MCC: variants seen among roughly 807,000 people sequenced by gnomAD.
MCC encodes the protein colorectal mutant cancer protein.
MCC carries 90 observed loss-of-function variants against 116.2 expected under a neutral mutation model. The observed-to-expected ratio is 0.77, with a 90% confidence interval of 0.65 to 0.92. MCC has a LOEUF of 0.92. Among genes scored for constraint, MCC ranks in the 40% least tolerant of loss-of-function variants. MCC has a pLI of 0.00. For missense variants in MCC, 1,516 were observed against 1,312.2 expected (o/e 1.16, Z -2.40); for synonymous variants, 578 against 510.5 (o/e 1.13, Z -1.78).
At chr5:113,097,033 C>G (rs756851096) in intron 8 of MCC, among the ~76,000 whole-genome samples, 7 of 152,078 alleles carry the variant, frequency 4.6e-5, no homozygotes, top group Non-Finnish European at 8.8e-5. Flanking sequence ...TTAAACTCAG[C>G]TAATATTGGC....
chr5:113,070,993 A>C, intron 12 of MCC, 101 bp downstream of exon 12: 1 of 1,384,732 alleles, frequency 7.2e-7, no homozygotes, highest in South Asian at 1.5e-5. Flanking sequence ...CCAAACTGCC[A>C]GATATGCCTT....
chr5:113,488,351 T>TGCCGCCGCTGCCGCTGCC lies in MCC; in HGVS notation c.63_64insGGCAGCGGCAGCGGCGGC (p.Gly21_Ser22insGlySerGlySerGlyGly). ...TCGCTGCTGCTGCTGCTGCTGCCGC[T>TGCCGCCGCTGCCGCTGCC]GCCGCCGCCGCCGCCGCCGCTGCTG... On this transcript the variant is annotated inframe_insertion, in exon 1 of 19. Coordinates refer to ENST00000408903, the MANE Select transcript of MCC (RefSeq NM_001085377.2). 6.9e-7 allele frequency: 1 copy of TGCCGCCGCTGCCGCTGCC among 1,455,516 alleles called. No homozygotes were observed. The highest frequency in any genetic ancestry group is 9.1e-7 in the Non-Finnish European group (1 of 1,097,784). 90.2% of individuals were successfully genotyped at this position (1,455,516 alleles called of 1,614,324 possible). A position where few individuals can be genotyped will look rare whatever the true frequency, so the allele number is the denominator to read the frequency against.
At chr5:113,436,880 C>T (rs1047763457) in intron 1 of MCC, 2 of 152,178 alleles carry the variant, frequency 1.3e-5, no homozygotes, top group Non-Finnish European at 2.9e-5. Context: ...ATCCACATGA[C>T]CCAGAAGCCC....
intron 1 of MCC, chr5:113,433,746 C>G (rs774488206): frequency 6.2e-7 from 1 of 1,611,938 alleles, no homozygotes; most frequent in African/African-American, 1.3e-5. Context: ...TCACTGGGCC[C>G]GCGTCTCTGG....
intron 3 of MCC, among the ~76,000 whole-genome samples, chr5:113,284,919 A>C (rs552747724): frequency 2.1e-3 from 323 of 152,352 alleles, no homozygotes; most frequent in Non-Finnish European, 3.9e-3. Context: ...AGTGGAAGGC[A>C]GTTTTCAATT....
chr5:113,051,409 G>C (rs550956174), intron 15 of MCC, among the ~76,000 whole-genome samples: 11 of 152,288 alleles, frequency 7.2e-5, no homozygotes, highest in African/African-American at 2.2e-4. Flanking sequence ...TCATAATGAA[G>C]GGATAAGATG....
intron 3 of MCC, among the ~76,000 whole-genome samples, chr5:113,242,508 G>C (rs1423169973): frequency 1.3e-5 from 2 of 152,042 alleles, no homozygotes; most frequent in Admixed American, 1.3e-4. Flanking sequence ...ACGCAAAACA[G>C]AGATATGAAT....
intron 3 of MCC, among the ~76,000 whole-genome samples, chr5:113,214,872 A>G (rs1763253500): frequency 6.6e-6 from 1 of 152,190 alleles, no homozygotes; most frequent in South Asian, 2.1e-4. Flanking sequence ...TTGCAATGCC[A>G]TTTGTAACCC....
chr5:113,420,881 A>G (rs770077442), intron 1 of MCC, among the ~76,000 whole-genome samples: 19 of 152,022 alleles, frequency 1.2e-4, no homozygotes, highest in Non-Finnish European at 2.6e-4. Flanking sequence ...TCTTTTTGCT[A>G]TTTGGAATCA....
At chr5:113,172,790 G>A (rs541361956) in intron 3 of MCC, among the ~76,000 whole-genome samples, 137 of 152,248 alleles carry the variant, frequency 9.0e-4, no homozygotes, top group African/African-American at 3.3e-3. Flanking sequence ...CTGTGAAATT[G>A]CCTTCTACCG....
intron 16 of MCC, among the ~76,000 whole-genome samples, chr5:113,046,684 G>GAAAAAAAAAAA (rs1561749937): frequency 4.8e-4 from 3 of 6,286 alleles, no homozygotes; most frequent in African/African-American, 2.2e-3. Context: ...AACTCAAAAG[G>GAAAAAAAAAAA]CAAAAAAAAA....
chr5:113,402,304 A>C (rs1769713706), intron 1 of MCC, among the ~76,000 whole-genome samples: 1 of 143,530 alleles, frequency 7.0e-6, no homozygotes, highest in African/African-American at 2.5e-5. Context: ...AAAAAAAAAA[A>C]AAAAAAACAC....
At position 113,122,818 on chromosome 5, in the gene MCC, T is replaced by A. The variant is rs200054847; in HGVS notation, c.893A>T (p.Asp298Val). The A allele has an allele frequency of 2.3e-4, 364 of 1,614,138 alleles. No homozygotes were observed. Among genetic ancestry groups the A allele is most frequent in the Middle Eastern group, 3.3e-4 (2 of 6,062 alleles). Residue 298 changes from aspartate (D) to valine (V), a missense_variant, in exon 6 of 19, where the codon GAT (aspartate) becomes GTT (valine). Physicochemically the swap from Asp to Val is radical, Grantham distance 152. Transcript: ENST00000408903. ...RLQGTTIREEDEYSELRSELS... is the reference protein window; with the variant it reads ...RLQGTTIREEVEYSELRSELS... ...TTCTGATCGCAGTTCTGAGTACTCA[T>A]CTTCCTCCCTGAGAAAAAAGGAGAA...
At chr5:113,302,601 G>C (rs1438805500) in intron 3 of MCC, among the ~76,000 whole-genome samples, 1 of 152,140 alleles carries the variant, frequency 6.6e-6, no homozygotes, top group Non-Finnish European at 1.5e-5. Context: ...CTGTATTTTA[G>C]AGATATATTA....
At chr5:113,152,198 C>T (rs1404260505) in intron 3 of MCC, among the ~76,000 whole-genome samples, 2 of 152,164 alleles carry the variant, frequency 1.3e-5, no homozygotes, top group African/African-American at 2.4e-5. Context: ...ACAGGAGGCC[C>T]CACGTACATC....
At chr5:113,116,603 A>G (rs763330001) in intron 6 of MCC, among the ~76,000 whole-genome samples, 8 of 152,192 alleles carry the variant, frequency 5.3e-5, no homozygotes, top group Non-Finnish European at 1.2e-4. Context: ...TTCCATTTCC[A>G]TCTTATACCC....
intron 1 of MCC, among the ~76,000 whole-genome samples, chr5:113,470,482 T>C (rs972449420): frequency 3.9e-5 from 6 of 152,196 alleles, no homozygotes; most frequent in Admixed American, 2.0e-4. Flanking sequence ...TTGAAAATTC[T>C]TTTCTTTAAG....
At chr5:113,401,002 A>G (rs935880603) in intron 1 of MCC, among the ~76,000 whole-genome samples, 1 of 152,240 alleles carries the variant, frequency 6.6e-6, no homozygotes, top group Non-Finnish European at 1.5e-5. Flanking sequence ...TAAGGCAGTC[A>G]TGTCTGAAAG....
chr5:113,332,313 G>A (rs553000936), intron 3 of MCC, among the ~76,000 whole-genome samples: 1 of 151,602 alleles, frequency 6.6e-6, no homozygotes, highest in Non-Finnish European at 1.5e-5. Context: ...CAAGCAGTTG[G>A]AACTAGAGGT....
Sources: gnomAD v4.1 joint callset for allele counts (sites outside exome capture counted in the v4.1 genomes callset) on GRCh38, gnomAD v4.1.1 for gene constraint, MANE v1.5 for transcripts, NCBI Gene and HGNC (gene_info 2026-07-23, HGNC 2026-07-21) for gene names.